The following MAGI2 variants were observed in gnomAD, a reference collection of about 807,000 sequenced individuals.
MAGI2 encodes membrane associated guanylate kinase, WW and PDZ domain containing 2.
MAGI2 carries 35 observed loss-of-function variants against 133.3 expected under a neutral mutation model. The ratio of observed to expected loss-of-function variants is 0.26; its 90% CI spans 0.20 to 0.35. The LOEUF (loss-of-function observed/expected upper bound fraction) is 0.35, where lower values mean the gene tolerates loss of function less well. MAGI2 is among the 10% of genes least tolerant of loss of function. The probability of loss-of-function intolerance (pLI) is 1.00; values close to 1 mark genes in which losing one functional copy is unlikely to be tolerated. For missense variants in MAGI2, 1,636 were observed against 1,863.4 expected, an observed-to-expected ratio of 0.88 and a Z score of 2.25; for synonymous variants, 729 against 710.6, an observed-to-expected ratio of 1.03 and a Z score of -0.41.
chr7:78,069,860 A>G (rs1814301517), intron 21 of MAGI2, among the ~76,000 whole-genome samples: 1 of 152,004 alleles, frequency 6.6e-6, no homozygotes, highest in Admixed American at 6.6e-5. Flanking sequence ...TGGGGCAAGG[A>G]AGGGAATGTT....
At chr7:78,567,653 C>G (rs1801084105) in intron 3 of MAGI2, among the ~76,000 whole-genome samples, 1 of 152,164 alleles carries the variant, frequency 6.6e-6, no homozygotes, top group Admixed American at 6.5e-5. Flanking sequence ...TCAATAACAT[C>G]ACTCCTGCAG....
chr7:78,895,571 TTAACCCCAAGGCC>T (rs1375451046), intron 2 of MAGI2, among the ~76,000 whole-genome samples: 1 of 150,966 alleles, frequency 6.6e-6, no homozygotes, highest in East Asian at 1.9e-4. Context: ...GTGCTATAAA[TTAACCCCAAGGCC>T]CACATCTCGT....
intron 6 of MAGI2, among the ~76,000 whole-genome samples, chr7:78,386,241 C>G (rs1008703587): frequency 6.6e-6 from 1 of 152,094 alleles, no homozygotes; most frequent in Admixed American, 6.6e-5. Context: ...TCTCTCCATA[C>G]AGCATATATA....
chr7:78,052,205 T>C (rs1812081712), intron 21 of MAGI2, among the ~76,000 whole-genome samples: 1 of 152,146 alleles, frequency 6.6e-6, no homozygotes, highest in African/African-American at 2.4e-5. Context: ...TGCTGAAATT[T>C]GATCCCCAGT....
intron 2 of MAGI2, among the ~76,000 whole-genome samples, chr7:78,816,261 A>C (rs1789583575): frequency 6.6e-6 from 1 of 152,210 alleles, no homozygotes; most frequent in Admixed American, 6.5e-5. Flanking sequence ...GTGTGAAGCT[A>C]GCAGGGGTTT....
chr7:78,401,583 G>A (rs1323165815), intron 6 of MAGI2, among the ~76,000 whole-genome samples: 2 of 151,946 alleles, frequency 1.3e-5, no homozygotes, highest in Non-Finnish European at 2.9e-5. Flanking sequence ...CATATATTCA[G>A]AAGTTTTGAT....
At chr7:79,108,649 G>C (rs931841393) in intron 1 of MAGI2, among the ~76,000 whole-genome samples, 1 of 152,068 alleles carries the variant, frequency 6.6e-6, no homozygotes, top group Non-Finnish European at 1.5e-5. Context: ...ATTTTGTCTA[G>C]ATTTTACCAT....
chr7:78,902,861 G>T (rs1797709338), intron 2 of MAGI2, among the ~76,000 whole-genome samples: 1 of 152,160 alleles, frequency 6.6e-6, no homozygotes, highest in Admixed American at 6.5e-5. Flanking sequence ...GAGGGAAAAA[G>T]TAGGGAAGAT....
intron 2 of MAGI2, among the ~76,000 whole-genome samples, chr7:78,691,591 C>A (rs1816960404): frequency 6.6e-6 from 1 of 151,964 alleles, no homozygotes; most frequent in Non-Finnish European, 1.5e-5. Context: ...AAGGAATGTA[C>A]AAAAGTCATA....
At chr7:78,026,666 G>C (rs912861085) in intron 21 of MAGI2, among the ~76,000 whole-genome samples, 3 of 152,062 alleles carry the variant, frequency 2.0e-5, no homozygotes, top group Non-Finnish European at 4.4e-5. Context: ...TGGGGTTCGG[G>C]TGGGGCCGGA....
At chr7:78,820,020 G>T (rs1789950169) in intron 2 of MAGI2, among the ~76,000 whole-genome samples, 1 of 151,964 alleles carries the variant, frequency 6.6e-6, no homozygotes. Flanking sequence ...ATGTGGGCAG[G>T]AAGAGTGAAT....
At chr7:78,260,583 C>T (rs140574292) in intron 9 of MAGI2, among the ~76,000 whole-genome samples, 3 of 152,236 alleles carry the variant, frequency 2.0e-5, no homozygotes, top group Non-Finnish European at 4.4e-5. Context: ...TAAGAAGATA[C>T]ATTTCTTTTG....
chr7:78,509,562 A>G (rs1000486267), intron 4 of MAGI2, among the ~76,000 whole-genome samples: 1 of 152,296 alleles, frequency 6.6e-6, no homozygotes, highest in African/African-American at 2.4e-5. Context: ...TATAAATTCT[A>G]TGGTTCTGGT....
chr7:78,164,255 T>TCTC (rs3085588), intron 15 of MAGI2, among the ~76,000 whole-genome samples: 14,850 of 152,234 alleles, frequency 0.098, 794 homozygotes, highest in East Asian at 0.17. Flanking sequence ...TGTGCCTGGG[T>TCTC]CTCTTCTCAG....
intron 3 of MAGI2, among the ~76,000 whole-genome samples, chr7:78,597,540 GC>G (rs34341356): frequency 0.3 from 46,254 of 151,790 alleles, 7,589 homozygotes; most frequent in African/African-American, 0.42. Context: ...CAATGAAAGA[GC>G]CCAGGCAATG....
At chr7:79,115,857 T>TTTTG (rs1338971466) in intron 1 of MAGI2, among the ~76,000 whole-genome samples, 29 of 18,898 alleles carry the variant, frequency 1.5e-3, no homozygotes, top group African/African-American at 1.8e-3. Context: ...TTTTAAAGTT[T>TTTTG]TTTTTTTTTT....
intron 6 of MAGI2, among the ~76,000 whole-genome samples, chr7:78,482,168 A>G (rs6967544): frequency 0.064 from 9,797 of 151,968 alleles, 767 homozygotes; most frequent in African/African-American, 0.19. Context: ...ATTAGCAATT[A>G]GGGAAATGCA....
chr7:78,646,433 T>G (rs1054847822), intron 2 of MAGI2, among the ~76,000 whole-genome samples: 2 of 152,228 alleles, frequency 1.3e-5, no homozygotes, highest in Non-Finnish European at 1.5e-5. Flanking sequence ...TGTAAGTGCA[T>G]GTATATATGT....
intron 1 of MAGI2, among the ~76,000 whole-genome samples, chr7:79,138,592 T>C (rs1393328258): frequency 1.3e-5 from 2 of 152,176 alleles, no homozygotes; most frequent in South Asian, 2.1e-4. Flanking sequence ...AATTCACAGG[T>C]TGAAGCCATA....
Sources: allele counts gnomAD v4.1 joint callset (sites outside exome capture counted in the v4.1 genomes callset), GRCh38; gene constraint gnomAD v4.1.1; transcripts MANE v1.5; gene names NCBI Gene and HGNC (gene_info 2026-07-23, HGNC 2026-07-21).